The following PPP1R15B variants were observed in gnomAD, a reference collection of about 807,000 sequenced individuals.
The protein encoded by PPP1R15B is protein phosphatase 1 regulatory subunit 15B.
A neutral mutation model predicts 53.9 loss-of-function variants in PPP1R15B; 31 were observed. That is an observed-to-expected ratio of 0.58 (90% CI 0.43 to 0.78). The LOEUF is 0.78. PPP1R15B is among the 30% of genes least tolerant of loss of function. The pLI, the probability that PPP1R15B is intolerant of heterozygous loss-of-function variation, is 0.00. For synonymous variants in PPP1R15B, 345 were observed against 329.1 expected (o/e 1.05, Z -0.52); for missense variants, 928 against 849.6 (o/e 1.09, Z -1.15).
At chr1:204,403,044 C>G (rs571862621), downstream of PPP1R15B, among the ~76,000 whole-genome samples, 1 of 152,124 alleles carries the variant, frequency 6.6e-6, no homozygotes, top group East Asian at 1.9e-4. Context: ...TTCAATGCAG[C>G]CTGGGTGACA....
downstream of PPP1R15B, among the ~76,000 whole-genome samples, chr1:204,403,062 C>T (rs1220297613): frequency 6.6e-6 from 1 of 151,794 alleles, no homozygotes; most frequent in Non-Finnish European, 1.5e-5. Context: ...ACAGAGGCTC[C>T]GTCTCAAAAA....
In PPP1R15B at chr1:204,404,098, C is replaced by T; in HGVS notation, c.*1994G>A. The T allele has an allele frequency of 2.0e-6, 2 of 985,350 alleles. No individual in the cohort carries two copies. Among genetic ancestry groups the T allele is most frequent in the Non-Finnish European group, 2.4e-6 (2 of 829,904 alleles). 61.0% of individuals were successfully genotyped at this position (985,350 alleles called of 1,614,324 possible). On this transcript the variant is annotated 3_prime_UTR_variant, in exon 2 of 2. Transcript: ENST00000367188. ...CTGTATGTTGTCAAAAGGCTTTTTT[C>T]AAGGCAAATGACGCCTGCTTTCCAA...
chr1:204,399,884 T>C (rs777508946), downstream of PPP1R15B, among the ~76,000 whole-genome samples: 78 of 152,154 alleles, frequency 5.1e-4, no homozygotes, highest in Non-Finnish European at 8.7e-4. Flanking sequence ...CTTCAGAACA[T>C]ATATCCAGAT....
In PPP1R15B at chr1:204,403,864, T is replaced by C. The variant is rs552370960; in HGVS notation, c.*2228A>G. The C allele has an allele frequency of 1.0e-6, 1 of 985,814 alleles. No homozygotes were observed. The highest frequency in any genetic ancestry group is 1.2e-6 in the Non-Finnish European group (1 of 829,912). 61.1% of individuals were successfully genotyped at this position (985,814 alleles called of 1,614,324 possible). A position where few individuals can be genotyped will look rare whatever the true frequency, so the allele number is the denominator to read the frequency against. On this transcript the variant is annotated 3_prime_UTR_variant, in exon 2 of 2. Coordinates refer to ENST00000367188, the MANE Select transcript of PPP1R15B (RefSeq NM_032833.5). ...CTTCTTATCACCTTCTGATCACTTCTTCCAAGGAGGCTAGTATATGGAAGA... is the reference window on the plus strand; with the variant it reads ...CTTCTTATCACCTTCTGATCACTTCCTCCAAGGAGGCTAGTATATGGAAGA...
chr1:204,409,368 A>G (rs1349224284), intron 1 of PPP1R15B, 124 bp downstream of exon 1: 2 of 1,036,038 alleles, frequency 1.9e-6, no homozygotes, highest in African/African-American at 1.6e-5. Context: ...CAATCCAAGT[A>G]TATGAATTTA....
At chr1:204,402,592 GTT>G (rs373365128), downstream of PPP1R15B, among the ~76,000 whole-genome samples, 1 of 149,960 alleles carries the variant, frequency 6.7e-6, no homozygotes, top group Admixed American at 6.7e-5. Flanking sequence ...CAGTTTTTTT[GTT>G]TTTTTTTGTA....
At chr1:204,407,189 ATGT>A (rs1233985355) in intron 1 of PPP1R15B, among the ~76,000 whole-genome samples, 1 of 152,110 alleles carries the variant, frequency 6.6e-6, no homozygotes, top group African/African-American at 2.4e-5. Context: ...TTAAATCAAC[ATGT>A]TGTACTATTT....
At chr1:204,406,595 C>T (rs934430708) in intron 1 of PPP1R15B, among the ~76,000 whole-genome samples, 2 of 151,866 alleles carry the variant, frequency 1.3e-5, no homozygotes, top group South Asian at 2.1e-4. Context: ...AGTAAAAATA[C>T]GAAAAAATTA....
rs936669091 is a variant in PPP1R15B, at chr1:204,404,812, C to T, written c.*1280G>A. On this transcript the variant is annotated 3_prime_UTR_variant, in exon 2 of 2. Transcript: ENST00000367188. ...CACGGAAGGGTTAACAACCCCTCAA[C>T]CTAACTTATGTGTACCTTGTAAAGC... The T allele has an allele frequency of 1.3e-5, 13 of 985,686 alleles. No individual in the cohort carries two copies. In the African/African-American group the frequency reaches 2.3e-4, roughly 17 times the overall value. 61.1% of individuals were successfully genotyped at this position (985,686 alleles called of 1,614,324 possible). A position where few individuals can be genotyped will look rare whatever the true frequency, so the allele number is the denominator to read the frequency against.
rs1012050695 is a variant in PPP1R15B at position 204,411,771 on chromosome 1, G to A, written c.-360C>T. The A allele has an allele frequency of 6.6e-6, 2 of 302,828 alleles. No individual in the cohort carries two copies. Among genetic ancestry groups the A allele is most frequent in the South Asian group, 3.9e-5 (1 of 25,574 alleles). The allele number at this position is 302,828 out of a possible 1,614,324, so 18.8% of individuals were successfully genotyped here. ...AAAGCCCCTGAGCAACGCGATACCG[G>A]AAGGACTGGGTAGGCCGGCTGGTGC... On this transcript the variant is annotated 5_prime_UTR_variant, in exon 1 of 2. Transcript: ENST00000367188.
chr1:204,404,499 AAAAC>A lies in PPP1R15B; in HGVS notation c.*1589_*1592del. On this transcript the variant is annotated 3_prime_UTR_variant, in exon 2 of 2. Transcript: ENST00000367188. ...GACTCTGTCTCAAAAAAAAAAGAAA[AAAAC>A]AAAAAACACACAGAATAAGGGCTCT... 5 of 984,658 alleles carry A rather than the reference AAAAC, an allele frequency of 5.1e-6. No homozygotes were observed. Among genetic ancestry groups the A allele is most frequent in the Non-Finnish European group, 6.0e-6 (5 of 828,958 alleles). 61.0% of individuals were successfully genotyped at this position (984,658 alleles called of 1,614,324 possible).
intron 1 of PPP1R15B, among the ~76,000 whole-genome samples, chr1:204,408,104 C>G (rs1674298079): frequency 6.6e-6 from 1 of 152,156 alleles, no homozygotes. Flanking sequence ...TTAAATCTTG[C>G]AATAACTTGT....
chr1:204,401,438 TTAAA>T (rs776801448), downstream of PPP1R15B, among the ~76,000 whole-genome samples: 144 of 152,302 alleles, frequency 9.5e-4, 1 homozygote, highest in Non-Finnish European at 1.3e-3. Context: ...CTGTGTATCA[TTAAA>T]TAACTCTCAA....
At position 204,404,966 on chromosome 1, in the gene PPP1R15B, G is replaced by A; in HGVS notation, c.*1126C>T. The A allele has an allele frequency of 1.0e-6, 1 of 984,560 alleles. No individual in the cohort carries two copies. Among genetic ancestry groups the A allele is most frequent in the Non-Finnish European group, 1.2e-6 (1 of 828,792 alleles). The allele number at this position is 984,560 out of a possible 1,614,324, so 61.0% of individuals were successfully genotyped here. A position where few individuals can be genotyped will look rare whatever the true frequency, so the allele number is the denominator to read the frequency against. ...ATCCTTTCCTGAAAGTAAAGGCCTTGCCATTACTTCTCTCATTATTAAATA... is the reference window on the plus strand; with the variant it reads ...ATCCTTTCCTGAAAGTAAAGGCCTTACCATTACTTCTCTCATTATTAAATA... On this transcript the variant is annotated 3_prime_UTR_variant, in exon 2 of 2. Coordinates refer to ENST00000367188, the MANE Select transcript of PPP1R15B (RefSeq NM_032833.5).
At position 204,411,198 on chromosome 1, in the gene PPP1R15B, C is replaced by G. The variant is rs773874715; in HGVS notation, c.214G>C (p.Ala72Pro). ...YWTKLLSQLL[A>P]PLPGLLQKVL... ...TTCTGAAGCAATCCGGGGAGCGGCG[C>G]AAGGAGCTGGGAGAGCAGTTTCGTC... is the stretch of plus-strand genomic sequence containing the variant. Residue 72 changes from alanine (A) to proline (P), a missense_variant, in exon 1 of 2, where the codon GCG (alanine) becomes CCG (proline). Transcript: ENST00000367188. The G allele has an allele frequency of 1.9e-6, 3 of 1,614,102 alleles. No individual in the cohort carries two copies. Among genetic ancestry groups the G allele is most frequent in the South Asian group, 1.1e-5 (1 of 91,090 alleles).
rs748682508 is a variant in PPP1R15B at position 204,410,927 on chromosome 1, G to C, written c.485C>G (p.Ala162Gly). Reference sequence around the variant, plus strand: ...TGCAGGGTCCAAAGCACTTCCCTTGGCCTTAAGCTCCAATTTTAGGTCTGG... The same window carrying C: ...TGCAGGGTCCAAAGCACTTCCCTTGCCCTTAAGCTCCAATTTTAGGTCTGG... ...SPPDLKLELK[A>G]KGSALDPAAQ... The change falls in exon 1 of 2, where the codon GCC becomes GGC. Residue 162 changes from alanine (A) to glycine (G), a missense_variant. Ala to Gly is a moderately conservative substitution (Grantham distance 60). Coordinates refer to ENST00000367188, the MANE Select transcript of PPP1R15B (RefSeq NM_032833.5). The C allele has an allele frequency of 3.7e-6, 6 of 1,614,008 alleles. No homozygotes were observed. Among genetic ancestry groups the C allele is most frequent in the Non-Finnish European group, 5.1e-6 (6 of 1,179,960 alleles).
In PPP1R15B at chr1:204,403,891, C is replaced by T. The variant is rs1180248454; in HGVS notation, c.*2201G>A. ...CCAAGGAGGCTAGTATATGGAAGAA[C>T]TCTTAATCAAGCTTTCACTCATTTG... is the stretch of plus-strand genomic sequence containing the variant. On this transcript the variant is annotated 3_prime_UTR_variant, in exon 2 of 2. Coordinates refer to ENST00000367188, the MANE Select transcript of PPP1R15B (RefSeq NM_032833.5). The T allele has an allele frequency of 1.0e-6, 1 of 985,482 alleles. No individual in the cohort carries two copies. Among genetic ancestry groups the T allele is most frequent in the Non-Finnish European group, 1.2e-6 (1 of 829,826 alleles). The allele number at this position is 985,482 out of a possible 1,614,324, so 61.0% of individuals were successfully genotyped here.
At position 204,405,056 on chromosome 1, in the gene PPP1R15B, A is replaced by G; in HGVS notation, c.*1036T>C. ...TTTTACATTTCAAACGTGAAAATTC[A>G]GAACTGCCCATTTCCAATTTTACAG... On this transcript the variant is annotated 3_prime_UTR_variant, in exon 2 of 2. Coordinates refer to ENST00000367188, the MANE Select transcript of PPP1R15B (RefSeq NM_032833.5). 3 of 985,846 alleles carry G rather than the reference A, an allele frequency of 3.0e-6. No homozygotes were observed. The highest frequency in any genetic ancestry group is 3.6e-6 in the Non-Finnish European group (3 of 829,888). The allele number at this position is 985,846 out of a possible 1,614,324, so 61.1% of individuals were successfully genotyped here.
chr1:204,411,335 G>A lies in PPP1R15B; in HGVS notation c.77C>T (p.Pro26Leu), dbSNP rs1041420370. Reference protein sequence around the residue: ...AGFRFWPPFFPRRSQAGSSKF... With the variant: ...AGFRFWPPFFLRRSQAGSSKF... ...AGAAGAGCCTGCTTGCGATCGCCGA[G>A]GGAAAAAGGGTGGCCAGAACCGGAA... The change falls in exon 1 of 2, where the codon CCT becomes CTT. Residue 26 changes from proline (P) to leucine (L), a missense_variant. Coordinates refer to ENST00000367188, the MANE Select transcript of PPP1R15B (RefSeq NM_032833.5). 3.7e-6 allele frequency: 6 copies of A among 1,614,008 alleles called. No individual in the cohort carries two copies. Among genetic ancestry groups the A allele is most frequent in the Non-Finnish European group, 5.1e-6 (6 of 1,180,048 alleles).
Sources: gnomAD v4.1 joint callset for allele counts (sites outside exome capture counted in the v4.1 genomes callset) on GRCh38, gnomAD v4.1.1 for gene constraint, MANE v1.5 for transcripts, NCBI Gene and HGNC (gene_info 2026-07-23, HGNC 2026-07-21) for gene names.